The following PLXDC2 variants were observed in gnomAD, a reference collection of about 807,000 sequenced individuals.
PLXDC2 encodes the protein plexin domain-containing protein 2.
A neutral mutation model predicts 68.9 loss-of-function variants in PLXDC2; 40 were observed. That is an observed-to-expected ratio of 0.58 (90% CI 0.45 to 0.76). PLXDC2 has a LOEUF of 0.76. Among genes scored for constraint, PLXDC2 ranks in the 30% least tolerant of loss-of-function variants. The pLI is 0.00. For missense variants in PLXDC2, 644 were observed against 661.9 expected, an observed-to-expected ratio of 0.97 and a Z score of 0.30; for synonymous variants, 243 against 234.2, an observed-to-expected ratio of 1.04 and a Z score of -0.34.
At chr10:19,985,802 G>A (rs1024134042) in intron 1 of PLXDC2, among the ~76,000 whole-genome samples, 9 of 152,298 alleles carry the variant, frequency 5.9e-5, no homozygotes, top group South Asian at 4.1e-4. Context: ...GTTGGATCAA[G>A]CCTTTTCTTG....
intron 3 of PLXDC2, among the ~76,000 whole-genome samples, chr10:20,067,704 A>C (rs1266391111): frequency 6.6e-6 from 1 of 151,872 alleles, no homozygotes; most frequent in Non-Finnish European, 1.5e-5. Context: ...AAAAAAAAAA[A>C]TTCTGCAGGT....
rs1462465659 is a variant in PLXDC2, at chr10:20,219,248, C to T, written c.1312+146C>T. ...GTTGGGATTTAACATGGGAAGGAGT[C>T]AGTGGGTTGGCTTGAAAGTGAAATG... is the stretch of plus-strand genomic sequence containing the variant. On this transcript the variant is annotated intron_variant, in intron 12 of 13. Transcript: ENST00000377252. The T allele has an allele frequency of 4.8e-6, 4 of 839,598 alleles. No individual in the cohort carries two copies. In the African/African-American group the frequency reaches 5.3e-5, roughly 11 times the overall value. 52.0% of individuals were successfully genotyped at this position (839,598 alleles called of 1,614,324 possible). A position where few individuals can be genotyped will look rare whatever the true frequency, so the allele number is the denominator to read the frequency against.
intron 2 of PLXDC2, among the ~76,000 whole-genome samples, chr10:20,028,683 A>G (rs569098049): frequency 1.3e-5 from 2 of 152,034 alleles, no homozygotes; most frequent in Non-Finnish European, 2.9e-5. Context: ...AGTCTTTTAG[A>G]TTTTTTACAG....
intron 6 of PLXDC2, among the ~76,000 whole-genome samples, chr10:20,151,886 A>G (rs996130367): frequency 6.6e-5 from 10 of 152,038 alleles, no homozygotes; most frequent in Admixed American, 5.2e-4. Context: ...GTTTTGTTTC[A>G]TTATGTTTTA....
At chr10:19,820,944 G>C (rs1836456422) in intron 1 of PLXDC2, among the ~76,000 whole-genome samples, 1 of 152,084 alleles carries the variant, frequency 6.6e-6, no homozygotes, top group African/African-American at 2.4e-5. Flanking sequence ...CGTGTGTGGT[G>C]GTAGACCCCT....
intron 4 of PLXDC2, among the ~76,000 whole-genome samples, chr10:20,104,514 C>T (rs1437594514): frequency 1.3e-5 from 2 of 152,170 alleles, no homozygotes; most frequent in African/African-American, 4.8e-5. Flanking sequence ...ATTTCAACTG[C>T]TCACTGTTTG....
intron 12 of PLXDC2, among the ~76,000 whole-genome samples, chr10:20,239,587 C>G (rs1336233762): frequency 6.6e-6 from 1 of 152,128 alleles, no homozygotes; most frequent in Non-Finnish European, 1.5e-5. Flanking sequence ...AGAAACCACA[C>G]CCATGATCCA....
intron 12 of PLXDC2, among the ~76,000 whole-genome samples, chr10:20,243,015 A>G (rs1433729846): frequency 9.9e-5 from 15 of 152,208 alleles, no homozygotes; most frequent in East Asian, 1.9e-4. Context: ...CCTGGCTCCA[A>G]TGTTAATTCT....
At chr10:19,853,113 GAGTA>G (rs1837151754) in intron 1 of PLXDC2, among the ~76,000 whole-genome samples, 2 of 152,174 alleles carry the variant, frequency 1.3e-5, no homozygotes, top group African/African-American at 2.4e-5. Flanking sequence ...ACAGAAAATA[GAGTA>G]CAGTTTTAAA....
intron 2 of PLXDC2, among the ~76,000 whole-genome samples, chr10:20,044,213 C>CTTTCTT (rs1162599098): frequency 2.0e-3 from 13 of 6,614 alleles, no homozygotes; most frequent in Admixed American, 5.7e-3. Context: ...CTCTCTCTGT[C>CTTTCTT]TTTCTTTCTT....
intron 7 of PLXDC2, among the ~76,000 whole-genome samples, chr10:20,173,205 A>C (rs759873264): frequency 6.6e-6 from 1 of 152,216 alleles, no homozygotes; most frequent in Non-Finnish European, 1.5e-5. Flanking sequence ...CTCGATTTGA[A>C]CCAGAAAAGA....
chr10:19,884,659 C>T (rs551595018), intron 1 of PLXDC2, among the ~76,000 whole-genome samples: 56 of 152,254 alleles, frequency 3.7e-4, no homozygotes, highest in African/African-American at 1.2e-3. Flanking sequence ...CAATTTCATC[C>T]ATGTCCCTAC....
chr10:20,122,441 A>G (rs111434695), intron 4 of PLXDC2, among the ~76,000 whole-genome samples: 6 of 152,334 alleles, frequency 3.9e-5, no homozygotes, highest in African/African-American at 1.4e-4. Context: ...CACTAAGCCA[A>G]GAAGATCTGG....
intron 3 of PLXDC2, among the ~76,000 whole-genome samples, chr10:20,064,620 T>C (rs1469532017): frequency 1.3e-5 from 2 of 152,164 alleles, no homozygotes; most frequent in Non-Finnish European, 2.9e-5. Flanking sequence ...CATAACTAAT[T>C]AGTGACACAG....
At chr10:19,934,680 G>A (rs1045116125) in intron 1 of PLXDC2, among the ~76,000 whole-genome samples, 4 of 152,186 alleles carry the variant, frequency 2.6e-5, no homozygotes, top group African/African-American at 9.7e-5. Context: ...CCATATTGTG[G>A]TATAGTTGAT....
At chr10:19,930,370 C>T (rs1449738809) in intron 1 of PLXDC2, among the ~76,000 whole-genome samples, 9 of 150,386 alleles carry the variant, frequency 6.0e-5, no homozygotes, top group African/African-American at 1.0e-4. Flanking sequence ...CTCTGCAAAC[C>T]GCTAATAAGG....
At chr10:20,248,542 C>T (rs573759225) in intron 13 of PLXDC2, among the ~76,000 whole-genome samples, 8 of 152,284 alleles carry the variant, frequency 5.3e-5, no homozygotes, top group African/African-American at 1.9e-4. Flanking sequence ...CAGCTTTTCT[C>T]CGCTTGGCTT....
rs572812652 is a variant in PLXDC2 at position 20,107,693 on chromosome 10, A to G, written c.542-35602A>G. ...CAGTCTTCCTGACATACGAATGTCA[A>G]TGTAGAAAAGAGGTATTCAATTTGG... On this transcript the variant is annotated intron_variant, in intron 4 of 13. Coordinates refer to ENST00000377252, the MANE Select transcript of PLXDC2 (RefSeq NM_032812.9). 2.0e-3 allele frequency among the ~76,000 whole-genome samples: 306 copies of G among 152,322 alleles called. 5 individuals are homozygous for G. In the South Asian group the frequency reaches 0.023, roughly 11 times the overall value.
rs1041299582 is a variant in PLXDC2 at position 20,281,697 on chromosome 10, A to G, written c.*1878A>G. The G allele has an allele frequency of 3.9e-5, 6 of 152,150 alleles. No individual in the cohort carries two copies. The highest frequency in any genetic ancestry group is 1.2e-4 in the African/African-American group (5 of 41,446). 9.4% of individuals were successfully genotyped at this position (152,150 alleles called of 1,614,324 possible). On this transcript the variant is annotated 3_prime_UTR_variant, in exon 14 of 14. Transcript: ENST00000377252. The stretch of plus-strand genomic sequence containing the variant: ...AGGTGATTGAAGGATTGTGATGACA[A>G]TCTCTTTGCAGCAGCTATGTATGGT...
Sources: gnomAD v4.1 joint callset for allele counts (sites outside exome capture counted in the v4.1 genomes callset) on GRCh38, gnomAD v4.1.1 for gene constraint, MANE v1.5 for transcripts, NCBI Gene and HGNC (gene_info 2026-07-23, HGNC 2026-07-21) for gene names.